Variants in RNF214 observed in about 807,000 individuals in gnomAD.
RNF214 encodes ring finger protein 214.
In RNF214, 25 loss-of-function variants were observed where a neutral mutation model predicts 75.9. That is an observed-to-expected ratio of 0.33 (90% CI 0.24 to 0.46). The LOEUF is 0.46. Ranked by LOEUF, RNF214 falls within the 20% of genes least tolerant of loss-of-function variation. RNF214 has a pLI of 1.00. For missense variants in RNF214, 725 were observed against 857.5 expected (o/e 0.85, Z 1.93); for synonymous variants, 314 against 308.8 (o/e 1.02, Z -0.18).
intron 6 of RNF214, among the ~76,000 whole-genome samples, chr11:117,247,684 C>T (rs1171821125): frequency 6.6e-6 from 1 of 151,978 alleles, no homozygotes; most frequent in East Asian, 1.9e-4. Flanking sequence ...AACCCCATCT[C>T]TACTAAAATA....
chr11:117,239,251 T>C, intron 3 of RNF214, 140 bp downstream of exon 3: 1 of 743,468 alleles, frequency 1.3e-6, no homozygotes. Flanking sequence ...ATCATACTAC[T>C]CTCATACAGT....
At chr11:117,253,420 G>A (rs1023357813) in intron 6 of RNF214, among the ~76,000 whole-genome samples, 2 of 152,142 alleles carry the variant, frequency 1.3e-5, no homozygotes, top group African/African-American at 4.8e-5. Context: ...AAATTGTCTT[G>A]CTTTTGCAGG....
chr11:117,265,575 A>G (rs977014695), intron 6 of RNF214, among the ~76,000 whole-genome samples: 1 of 151,972 alleles, frequency 6.6e-6, no homozygotes, highest in African/African-American at 2.4e-5. Flanking sequence ...TACTATGCCC[A>G]GCTGATTTTT....
intron 14 of RNF214, among the ~76,000 whole-genome samples, chr11:117,284,165 G>T (rs537679086): frequency 6.6e-6 from 1 of 152,208 alleles, no homozygotes; most frequent in African/African-American, 2.4e-5. Flanking sequence ...ATGTAGCATT[G>T]TCAGAAGACT....
intron 6 of RNF214, among the ~76,000 whole-genome samples, chr11:117,276,433 G>T (rs1591840061): frequency 6.6e-6 from 1 of 152,118 alleles, no homozygotes; most frequent in Non-Finnish European, 1.5e-5. Context: ...AATATAGTGG[G>T]ACTCTTTCTC....
rs757165920 is a variant in RNF214 at position 117,238,735 on chromosome 11, C to T, written c.242C>T (p.Thr81Ile). The T allele has an allele frequency of 1.1e-5, 17 of 1,614,050 alleles. No individual in the cohort carries two copies. Among genetic ancestry groups the T allele is most frequent in the Non-Finnish European group, 1.3e-5 (15 of 1,180,040 alleles). ...AATCCTGGTTCATCAGCAGGTGACACCTCAGCAGCGCACCAGGTGGTTTTA... is the reference window on the plus strand; with the variant it reads ...AATCCTGGTTCATCAGCAGGTGACATCTCAGCAGCGCACCAGGTGGTTTTA... ...EQNPGSSAGD[T>I]SAAHQVVLGE... The change falls in exon 3 of 15, where the codon ACC becomes ATC. Residue 81 changes from threonine (T) to isoleucine (I), a missense_variant. Around this residue, in one of 2 missense-constraint regions of RNF214, gnomAD observed 362 missense variants for 344.5 expected, o/e 1.05. Coordinates refer to ENST00000300650, the MANE Select transcript of RNF214 (RefSeq NM_207343.4).
intron 6 of RNF214, among the ~76,000 whole-genome samples, chr11:117,270,574 G>A (rs1466946861): frequency 8.8e-6 from 1 of 113,894 alleles, no homozygotes; most frequent in African/African-American, 3.5e-5. Context: ...CCACCCCCCC[G>A]GTAGCTGGGA....
chr11:117,266,185 G>T (rs2033792051), intron 6 of RNF214, among the ~76,000 whole-genome samples: 1 of 152,022 alleles, frequency 6.6e-6, no homozygotes, highest in African/African-American at 2.4e-5. Context: ...TCTGTGTATT[G>T]TGTCATTTTT....
At chr11:117,260,880 C>G (rs2033645637) in intron 6 of RNF214, among the ~76,000 whole-genome samples, 1 of 149,228 alleles carries the variant, frequency 6.7e-6, no homozygotes, top group South Asian at 2.2e-4. Flanking sequence ...TCTCGAACTC[C>G]CGACCTCAGA....
chr11:117,252,918 C>G (rs1349966009), intron 6 of RNF214, among the ~76,000 whole-genome samples: 2 of 152,158 alleles, frequency 1.3e-5, no homozygotes, highest in Non-Finnish European at 2.9e-5. Context: ...AAGGGAATTT[C>G]ACATTAATAT....
intron 9 of RNF214, 89 bp from the exon 10 acceptor site, chr11:117,281,511 T>C (rs2034126645): frequency 1.3e-5 from 18 of 1,388,798 alleles, no homozygotes; most frequent in Non-Finnish European, 1.6e-5. Context: ...TATCCTACTA[T>C]TCCTTTTGTT....
At chr11:117,284,138 T>G (rs1050806788) in intron 14 of RNF214, among the ~76,000 whole-genome samples, 1 of 152,172 alleles carries the variant, frequency 6.6e-6, no homozygotes, top group Non-Finnish European at 1.5e-5. Flanking sequence ...ATCCCACATA[T>G]CTAACTATTG....
At chr11:117,240,384 T>TAAA (rs372718608) in intron 4 of RNF214, among the ~76,000 whole-genome samples, 5 of 61,708 alleles carry the variant, frequency 8.1e-5, no homozygotes, top group Non-Finnish European at 1.2e-4. Context: ...CAAAAAAAAT[T>TAAA]AAAAAAAAAA....
At chr11:117,276,595 C>T (rs1012026164) in intron 6 of RNF214, among the ~76,000 whole-genome samples, 3 of 152,108 alleles carry the variant, frequency 2.0e-5, no homozygotes, top group African/African-American at 7.2e-5. Context: ...GAAACCCTCT[C>T]TCTAAAAAAA....
chr11:117,260,090 T>C (rs1329751626), intron 6 of RNF214, among the ~76,000 whole-genome samples: 1 of 151,636 alleles, frequency 6.6e-6, no homozygotes, highest in Non-Finnish European at 1.5e-5. Flanking sequence ...TTTTTTTTTT[T>C]CTCCCCCTGG....
At position 117,234,351 on chromosome 11, in the gene RNF214, T is replaced by C. The variant is rs761891854; in HGVS notation, c.79T>C (p.Ser27Pro). ...PESSSLCASK[S>P]DEGLPDGLST... ...ATCTTCTAGTTTATGTGCTTCCAAA[T>C]CAGACGAAGGTCTCCCAGATGGTCT... is the stretch of plus-strand genomic sequence containing the variant. Residue 27 changes from serine to proline, a missense_variant, in exon 2 of 15, where the codon TCA becomes CCA. Transcript: ENST00000300650. The C allele has an allele frequency of 3.7e-6, 6 of 1,613,940 alleles. No individual in the cohort carries two copies. In the East Asian group the frequency reaches 1.3e-4, roughly 36 times the overall value.
At chr11:117,239,515 A>C (rs1348531617) in intron 3 of RNF214, 1 of 473,114 alleles carries the variant, frequency 2.1e-6, no homozygotes, top group Non-Finnish European at 3.8e-6. Context: ...TTGTAGGAGA[A>C]AGTATGGGCA....
At chr11:117,256,120 C>G (rs2033514171) in intron 6 of RNF214, among the ~76,000 whole-genome samples, 1 of 152,112 alleles carries the variant, frequency 6.6e-6, no homozygotes, top group South Asian at 2.1e-4. Context: ...CTTTCCCAGA[C>G]ACTCTCCCTC....
At chr11:117,246,971 A>C (rs747977199) in intron 6 of RNF214, 23 bp downstream of exon 6, 3 of 1,585,432 alleles carry the variant, frequency 1.9e-6, no homozygotes, top group Non-Finnish European at 1.7e-6. Context: ...AAGAATAAAA[A>C]CCCTGTGTGT....
Sources: allele counts gnomAD v4.1 joint callset (sites outside exome capture counted in the v4.1 genomes callset), GRCh38; gene constraint gnomAD v4.1.1; regional missense constraint gnomAD v4.1.1; transcripts MANE v1.5; gene names NCBI Gene and HGNC (gene_info 2026-07-23, HGNC 2026-07-21).